ZNF30: variants seen among roughly 807,000 people sequenced by gnomAD.
ZNF30 encodes the protein zinc finger protein 30 (KOX 28).
A neutral mutation model predicts 13.2 loss-of-function variants in ZNF30; 15 were observed. That is an observed-to-expected ratio of 1.13 (90% CI 0.76 to 1.75). The LOEUF is 1.75. ZNF30 is among the 40% of genes most tolerant of loss of function. ZNF30 has a pLI of 0.00. For synonymous variants in ZNF30, 223 were observed against 256.6 expected (o/e 0.87, Z 1.25); for missense variants, 726 against 757.0 (o/e 0.96, Z 0.48).
Position 34,943,284 on chromosome 19 carries a change from A to G in ZNF30, c.318A>G (p.Pro106=), listed in dbSNP as rs1216102046. The G allele has an allele frequency of 1.2e-6, 2 of 1,613,642 alleles. No homozygotes were observed. Among genetic ancestry groups the G allele is most frequent in the Non-Finnish European group, 1.7e-6 (2 of 1,179,780 alleles). The change falls in exon 5 of 5, where the codon CCA becomes CCG. Residue 106 remains proline, a synonymous_variant. Transcript: ENST00000601142. Reference sequence around the variant, plus strand: ...AAATGCCCACCTCTGAAAACTGTCCATCTTTTGCTCTACATCAGAAAATAA... The same window carrying G: ...AAATGCCCACCTCTGAAAACTGTCCGTCTTTTGCTCTACATCAGAAAATAA... ...CKEMPTSENC[P]SFALHQKISR...
chr19:34,931,878 A>G lies in ZNF30; in HGVS notation c.45A>G (p.Thr15=). The G allele has an allele frequency of 1.9e-6, 3 of 1,613,118 alleles. No individual in the cohort carries two copies. Among genetic ancestry groups the G allele is most frequent in the African/African-American group, 1.3e-5 (1 of 75,008 alleles). ...YVGLQYHGSV[T]FEDVAIAFSQ... ...GTTTGCAGTATCACGGATCAGTGAC[A>G]TTTGAGGATGTGGCCATAGCCTTCT... The change falls in exon 3 of 5, where the codon ACA becomes ACG. Residue 15 remains threonine (T), a synonymous_variant. Transcript: ENST00000601142.
chr19:34,934,870 T>C (rs1273595987), intron 4 of ZNF30, among the ~76,000 whole-genome samples: 1 of 152,152 alleles, frequency 6.6e-6, no homozygotes, highest in Non-Finnish European at 1.5e-5. Context: ...CCGTGGCACA[T>C]GTATACCTAT....
chr19:34,928,240 T>TAG (rs2012215162), intron 1 of ZNF30, among the ~76,000 whole-genome samples: 1 of 108,892 alleles, frequency 9.2e-6, no homozygotes, highest in African/African-American at 5.0e-5. Context: ...TATATATATA[T>TAG]ATATATATAT....
intron 4 of ZNF30, among the ~76,000 whole-genome samples, chr19:34,937,500 G>A (rs2012803646): frequency 6.6e-6 from 1 of 152,028 alleles, no homozygotes; most frequent in Non-Finnish European, 1.5e-5. Flanking sequence ...GGAAGACAAG[G>A]CAGGGGGAAT....
intron 4 of ZNF30, among the ~76,000 whole-genome samples, chr19:34,939,242 C>T (rs59150411): frequency 9.3e-5 from 14 of 150,414 alleles, no homozygotes; most frequent in African/African-American, 2.2e-4. Context: ...AGTGCAGTGG[C>T]GCAATCTCAG....
At position 34,944,441 on chromosome 19, in the gene ZNF30, CTT is replaced by C. The variant is rs1446213403; in HGVS notation, c.1478_1479del (p.Phe493Ter). ...TATGAATGTAAGGAATGTGGAAAGA[CTT>C]TTAGTCGAGCCTCGTACCTTGTACA... On this transcript the variant is annotated frameshift_variant, in exon 5 of 5. Coordinates refer to ENST00000601142, the MANE Select transcript of ZNF30 (RefSeq NM_194325.3). LOFTEE classifies it low-confidence loss of function (END_TRUNC). 9 of 1,613,804 alleles carry C rather than the reference CTT, an allele frequency of 5.6e-6. No homozygotes were observed. The highest frequency in any genetic ancestry group is 2.7e-5 in the African/African-American group (2 of 74,832).
chr19:34,935,625 T>A (rs562329708), intron 4 of ZNF30, among the ~76,000 whole-genome samples: 2 of 152,174 alleles, frequency 1.3e-5, no homozygotes, highest in East Asian at 3.9e-4. Context: ...GCTGTAGTAT[T>A]TTGTCTTTGT....
chr19:34,942,647 G>A, intron 4 of ZNF30: 1 of 1,289,334 alleles, frequency 7.8e-7, no homozygotes, highest in South Asian at 1.2e-5. Flanking sequence ...TTTAGGCGAT[G>A]ATGCCACCTG....
chr19:34,938,377 T>G (rs1427789864), intron 4 of ZNF30, among the ~76,000 whole-genome samples: 1 of 152,082 alleles, frequency 6.6e-6, no homozygotes, highest in Non-Finnish European at 1.5e-5. Flanking sequence ...ACTTTGAGGA[T>G]TTTCTTTTTT....
At chr19:34,942,668 CA>C in intron 4 of ZNF30, 3 of 1,287,098 alleles carry the variant, frequency 2.3e-6, no homozygotes, top group Non-Finnish European at 3.0e-6. Context: ...CACATGGAAC[CA>C]AAAGGTGAGA....
At chr19:34,936,631 C>A (rs778506281) in intron 4 of ZNF30, among the ~76,000 whole-genome samples, 53 of 152,168 alleles carry the variant, frequency 3.5e-4, no homozygotes, top group Non-Finnish European at 6.0e-4. Flanking sequence ...CTTGGTGGCT[C>A]ATGCCTGGAA....
chr19:34,942,467 A>C (rs991116010), intron 4 of ZNF30: 16 of 374,180 alleles, frequency 4.3e-5, no homozygotes, highest in Non-Finnish European at 6.7e-5. Flanking sequence ...AAAGAAAAAA[A>C]GAAAAAGAAA....
chr19:34,938,263 A>G (rs2012846802), intron 4 of ZNF30, among the ~76,000 whole-genome samples: 1 of 152,158 alleles, frequency 6.6e-6, no homozygotes, highest in Admixed American at 6.5e-5. Context: ...AAATAATAAT[A>G]AAAAAATAAA....
chr19:34,942,308 G>A lies in ZNF30; in HGVS notation c.257-915G>A, dbSNP rs888157303. Among the ~76,000 whole-genome samples the A allele has an allele frequency of 1.6e-4, 24 of 152,016 alleles. 1 individual carries two copies. Among genetic ancestry groups the A allele is most frequent in the Admixed American group, 1.6e-3 (24 of 15,252 alleles). The stretch of plus-strand genomic sequence containing the variant: ...AATTACAAAAAAATTAGCTGGACAT[G>A]GTGGCACACACCTGTAGTCCCAGCT... On this transcript the variant is annotated intron_variant, in intron 4 of 4. Coordinates refer to ENST00000601142, the MANE Select transcript of ZNF30 (RefSeq NM_194325.3).
chr19:34,939,126 C>G (rs2012892910), intron 4 of ZNF30, among the ~76,000 whole-genome samples: 1 of 81,980 alleles, frequency 1.2e-5, no homozygotes, highest in Non-Finnish European at 2.2e-5. Context: ...TCTTGTCTCC[C>G]CTCCCCTCCC....
In ZNF30 at chr19:34,944,046, T is replaced by A. The variant is rs771149052; in HGVS notation, c.1080T>A (p.His360Gln). The change falls in exon 5 of 5, where the codon CAT (histidine) becomes CAA (glutamine). Residue 360 changes from histidine (H) to glutamine (Q), a missense_variant. By Grantham distance (24) the His-to-Gln change is conservative. Transcript: ENST00000601142. Reference sequence around the variant, plus strand: ...CCTTTAGACTTAGTTCCTTCCTTCATGCACATCAGCGAATTCATGCAGAGA... The same window carrying A: ...CCTTTAGACTTAGTTCCTTCCTTCAAGCACATCAGCGAATTCATGCAGAGA... ...GKAFRLSSFL[H>Q]AHQRIHAEIK... 5 of 1,614,028 alleles carry A rather than the reference T, an allele frequency of 3.1e-6. No homozygotes were observed. In the South Asian group the frequency reaches 4.4e-5, roughly 14 times the overall value.
Position 34,944,506 on chromosome 19 carries a change from T to C in ZNF30, c.1540T>C (p.Cys514Arg). 6.2e-7 allele frequency: 1 copy of C among 1,613,916 alleles called. No homozygotes were observed. Reference protein sequence around the residue: ...RIHTGKKPYECKECGKAFSSG... With the variant: ...RIHTGKKPYERKECGKAFSSG... ...CCATACTGGTAAGAAGCCCTATGAG[T>C]GTAAGGAGTGTGGCAAGGCCTTCAG... Residue 514 changes from cysteine to arginine, a missense_variant, in exon 5 of 5, where the codon TGT becomes CGT. Physicochemically the swap from Cys to Arg is radical, Grantham distance 180. Transcript: ENST00000601142.
intron 4 of ZNF30, among the ~76,000 whole-genome samples, chr19:34,934,316 T>C (rs1056773810): frequency 1.3e-5 from 2 of 152,210 alleles, no homozygotes; most frequent in African/African-American, 4.8e-5. Flanking sequence ...TAGGCTGGCA[T>C]ACAGTGGTGC....
chr19:34,937,921 G>C (rs1309495591), intron 4 of ZNF30, among the ~76,000 whole-genome samples: 1 of 152,026 alleles, frequency 6.6e-6, no homozygotes, highest in Non-Finnish European at 1.5e-5. Context: ...TCAGCCTCTT[G>C]AGTAGCTGGG....
Sources: allele counts gnomAD v4.1 joint callset (sites outside exome capture counted in the v4.1 genomes callset), GRCh38; gene constraint gnomAD v4.1.1; transcripts MANE v1.5; gene names NCBI Gene and HGNC (gene_info 2026-07-23, HGNC 2026-07-21).